AFG1L: variants seen among roughly 807,000 people sequenced by gnomAD.
The protein encoded by AFG1L is AFG1-like ATPase.
In AFG1L, 53 loss-of-function variants were observed where a neutral mutation model predicts 62.2. That is an observed-to-expected ratio of 0.85 (90% CI 0.68 to 1.07). The LOEUF is 1.07. Among genes scored for constraint, AFG1L ranks in the 50% least tolerant of loss-of-function variants. The pLI, the probability that AFG1L is intolerant of heterozygous loss-of-function variation, is 0.00. For synonymous variants in AFG1L, 228 were observed against 210.3 expected, an observed-to-expected ratio of 1.08 and a Z score of -0.73; for missense variants, 555 against 590.5, an observed-to-expected ratio of 0.94 and a Z score of 0.62.
chr6:108,377,813 G>C (rs1780315011), intron 6 of AFG1L, among the ~76,000 whole-genome samples: 1 of 146,342 alleles, frequency 6.8e-6, no homozygotes, highest in East Asian at 2.0e-4. Flanking sequence ...GATAAGGAAA[G>C]TTTCCTTTTT....
At chr6:108,312,114 C>G (rs542067880) in intron 1 of AFG1L, among the ~76,000 whole-genome samples, 1 of 152,224 alleles carries the variant, frequency 6.6e-6, no homozygotes, top group African/African-American at 2.4e-5. Flanking sequence ...ATCCGCCTGC[C>G]TTGGCCTCCC....
At chr6:108,451,021 C>T (rs922535468) in intron 8 of AFG1L, among the ~76,000 whole-genome samples, 2 of 151,872 alleles carry the variant, frequency 1.3e-5, no homozygotes, top group Non-Finnish European at 2.9e-5. Flanking sequence ...CCTATTAAAG[C>T]GTGTGTTTCT....
chr6:108,443,708 C>T (rs1582595568), intron 7 of AFG1L, among the ~76,000 whole-genome samples: 1 of 151,936 alleles, frequency 6.6e-6, no homozygotes, highest in African/African-American at 2.4e-5. Flanking sequence ...AACCCTGTCT[C>T]CACTAAAAAT....
At chr6:108,449,406 C>T (rs1025440196) in intron 8 of AFG1L, among the ~76,000 whole-genome samples, 7 of 151,936 alleles carry the variant, frequency 4.6e-5, no homozygotes, top group African/African-American at 1.7e-4. Context: ...ATGTAAGTAT[C>T]CCTGAAGAGA....
At chr6:108,517,339 A>G (rs897143167) in intron 11 of AFG1L, among the ~76,000 whole-genome samples, 7 of 152,234 alleles carry the variant, frequency 4.6e-5, no homozygotes, top group African/African-American at 1.4e-4. Flanking sequence ...AGCCCTCAGA[A>G]GTAATGCCAC....
intron 11 of AFG1L, among the ~76,000 whole-genome samples, 196 bp downstream of exon 11, chr6:108,510,548 A>G (rs896147382): frequency 5.3e-5 from 8 of 152,198 alleles, no homozygotes; most frequent in African/African-American, 1.9e-4. Flanking sequence ...AGGCAAATCC[A>G]TGTAAAGCAT....
intron 8 of AFG1L, among the ~76,000 whole-genome samples, chr6:108,452,198 A>C (rs1176757090): frequency 6.6e-6 from 1 of 152,192 alleles, no homozygotes; most frequent in Non-Finnish European, 1.5e-5. Context: ...CAGAGAATTT[A>C]ACTGCTTCAG....
chr6:108,496,845 G>A (rs750260613), intron 10 of AFG1L, among the ~76,000 whole-genome samples: 12 of 151,888 alleles, frequency 7.9e-5, no homozygotes, highest in Admixed American at 2.6e-4. Flanking sequence ...TATATATTTT[G>A]AGCAAAACAA....
chr6:108,321,254 A>G (rs1022155953), intron 1 of AFG1L, among the ~76,000 whole-genome samples: 1 of 152,162 alleles, frequency 6.6e-6, no homozygotes, highest in Non-Finnish European at 1.5e-5. Flanking sequence ...CACAGAACTC[A>G]GGGGAAAATT....
intron 6 of AFG1L, among the ~76,000 whole-genome samples, chr6:108,367,645 G>A (rs919071470): frequency 9.9e-5 from 15 of 152,144 alleles, no homozygotes; most frequent in East Asian, 1.9e-4. Context: ...GGAGGTGGAG[G>A]TAGGGGTTTC....
intron 5 of AFG1L, among the ~76,000 whole-genome samples, chr6:108,363,883 A>ATGCTTATGTTTGTC (rs1343778876): frequency 2.0e-5 from 3 of 152,204 alleles, no homozygotes; most frequent in Non-Finnish European, 4.4e-5. Flanking sequence ...CTGATAATGC[A>ATGCTTATGTTTGTC]TGCTTATGTT....
chr6:108,510,433 A>C (rs1365312283), intron 11 of AFG1L, 81 bp downstream of exon 11: 1 of 1,072,180 alleles, frequency 9.3e-7, no homozygotes, highest in Admixed American at 2.3e-5. Flanking sequence ...TCCTGACTTA[A>C]CATACTTCTA....
intron 8 of AFG1L, among the ~76,000 whole-genome samples, chr6:108,454,380 G>T (rs112314536): frequency 8.5e-5 from 13 of 152,250 alleles, no homozygotes; most frequent in Non-Finnish European, 1.5e-4. Flanking sequence ...AGTTTTTTTG[G>T]CCTTTGAGGG....
rs142215270 is a variant in AFG1L, at chr6:108,483,914, C to A, written c.1062+6622C>A. On this transcript the variant is annotated intron_variant, in intron 10 of 12. Coordinates refer to ENST00000368977, the MANE Select transcript of AFG1L (RefSeq NM_145315.5). ...ACTTATAAGTATACCATATAGTATC[C>A]CTTCGGGAGCTGTTAAGTGACATTT... 3.8e-3 allele frequency among the ~76,000 whole-genome samples: 581 copies of A among 152,030 alleles called. 7 individuals are homozygous for A. Among genetic ancestry groups the A allele is most frequent in the African/African-American group, 0.014 (562 of 41,438 alleles).
chr6:108,332,845 A>G (rs117638195), intron 2 of AFG1L, among the ~76,000 whole-genome samples: 10,659 of 152,132 alleles, frequency 0.07, 494 homozygotes, highest in Middle Eastern at 0.18. Flanking sequence ...GGCCTCAAGC[A>G]ATTCACCTGC....
At chr6:108,357,537 A>G (rs571833192) in intron 5 of AFG1L, among the ~76,000 whole-genome samples, 1 of 152,242 alleles carries the variant, frequency 6.6e-6, no homozygotes, top group African/African-American at 2.4e-5. Flanking sequence ...CGATGACTGT[A>G]CATCTCCCCT....
In AFG1L at chr6:108,490,003, T is replaced by G. The variant is rs115125793; in HGVS notation, c.1062+12711T>G. Among the ~76,000 whole-genome samples, 317 of 152,306 alleles carry G rather than the reference T, an allele frequency of 2.1e-3. 1 individual carries two copies. The highest frequency in any genetic ancestry group is 7.6e-3 in the African/African-American group (314 of 41,574). Reference sequence around the variant, plus strand: ...GAGCCAGAGGACTAGTATAGTTTAATCAAAGGCACAGGAGAAACTATACAC... The same window carrying G: ...GAGCCAGAGGACTAGTATAGTTTAAGCAAAGGCACAGGAGAAACTATACAC... On this transcript the variant is annotated intron_variant, in intron 10 of 12. Transcript: ENST00000368977.
chr6:108,465,182 C>G (rs1457629378), intron 8 of AFG1L, among the ~76,000 whole-genome samples: 1 of 152,170 alleles, frequency 6.6e-6, no homozygotes, highest in African/African-American at 2.4e-5. Context: ...TTCTTCTATG[C>G]TATGTGACAT....
At chr6:108,506,206 A>G (rs916975028) in intron 10 of AFG1L, among the ~76,000 whole-genome samples, 9 of 151,730 alleles carry the variant, frequency 5.9e-5, no homozygotes, top group Non-Finnish European at 7.4e-5. Flanking sequence ...ACATCCTCCC[A>G]TATTTTTTGT....
Sources: allele counts gnomAD v4.1 joint callset (sites outside exome capture counted in the v4.1 genomes callset), GRCh38; gene constraint gnomAD v4.1.1; transcripts MANE v1.5; gene names NCBI Gene and HGNC (gene_info 2026-07-23, HGNC 2026-07-21).